ABCA13: variants seen among roughly 807,000 people sequenced by gnomAD.
ABCA13 encodes the protein ATP-binding cassette sub-family A member 13.
A neutral mutation model predicts 478.7 loss-of-function variants in ABCA13; 476 were observed. That is an observed-to-expected ratio of 0.99 (90% confidence interval 0.92 to 1.07). The LOEUF (loss-of-function observed/expected upper bound fraction) is 1.07, where lower values mean the gene tolerates loss of function less well. Ranked by LOEUF, ABCA13 falls within the 50% of genes least tolerant of loss-of-function variation. The probability of loss-of-function intolerance (pLI) is 0.00; values close to 1 mark genes in which losing one functional copy is unlikely to be tolerated. For synonymous variants in ABCA13, 2,252 were observed against 2,158.9 expected (o/e 1.04, Z -1.20); for missense variants, 6,060 against 5,910.6 (o/e 1.03, Z -0.83).
At chr7:48,618,059 T>C (rs761218334) in intron 59 of ABCA13, among the ~76,000 whole-genome samples, 2 of 152,168 alleles carry the variant, frequency 1.3e-5, no homozygotes, top group African/African-American at 2.4e-5. Flanking sequence ...GAAACAGCTC[T>C]TCCATGGGAC....
chr7:48,465,312 A>C (rs147375802), intron 43 of ABCA13, among the ~76,000 whole-genome samples: 1 of 152,296 alleles, frequency 6.6e-6, no homozygotes, highest in East Asian at 1.9e-4. Flanking sequence ...CAGTAGCCTA[A>C]TGAGAAGTTT....
chr7:48,382,906 G>C (rs143757094), intron 35 of ABCA13, among the ~76,000 whole-genome samples: 168 of 152,252 alleles, frequency 1.1e-3, no homozygotes, highest in African/African-American at 3.6e-3. Flanking sequence ...CCTGGAACAG[G>C]AAGGTATAAT....
At chr7:48,349,008 G>A (rs759426617) in intron 29 of ABCA13, among the ~76,000 whole-genome samples, 22 of 152,332 alleles carry the variant, frequency 1.4e-4, no homozygotes, top group Non-Finnish European at 2.6e-4. Context: ...TCATGGTTTT[G>A]AAACTTACTG....
At position 48,362,634 on chromosome 7, in the gene ABCA13, T is replaced by G. The variant is rs530016496; in HGVS notation, c.10689-5160T>G. 1.3e-4 allele frequency among the ~76,000 whole-genome samples: 20 copies of G among 151,838 alleles called. No individual in the cohort carries two copies. In the South Asian group the frequency reaches 4.1e-3, roughly 31 times the overall value. ...CTTGTGTTTCTTATGCTTATAATTT[T>G]TCTTTTAAGCTAATATTTAATAATG... On this transcript the variant is annotated intron_variant, in intron 31 of 61. Coordinates refer to ENST00000435803, the MANE Select transcript of ABCA13 (RefSeq NM_152701.5).
chr7:48,523,470 A>C (rs973229296), intron 53 of ABCA13, among the ~76,000 whole-genome samples: 1 of 152,068 alleles, frequency 6.6e-6, no homozygotes, highest in Non-Finnish European at 1.5e-5. Flanking sequence ...CAATGATAAT[A>C]TAATAATATA....
At chr7:48,617,320 A>G (rs1308663481) in intron 59 of ABCA13, among the ~76,000 whole-genome samples, 1 of 152,150 alleles carries the variant, frequency 6.6e-6, no homozygotes, top group African/African-American at 2.4e-5. Context: ...TTCCATGAAC[A>G]TGAATTGTTA....
In ABCA13 at chr7:48,274,847, T is replaced by C. The variant is rs761728722; in HGVS notation, c.5181T>C (p.His1727=). ...GCTCACATTCTTGGAATGTTAATCA[T>C]CTGCTGCAGCTCTCACGCCTGTTTC... ...ADSSHSWNVN[H]LLQLSRLFPK... is the part of the protein sequence containing the mutation. The change falls in exon 17 of 62, where the codon CAT becomes CAC. Residue 1727 remains histidine, a synonymous_variant. Transcript: ENST00000435803. 5 of 1,613,964 alleles carry C rather than the reference T, an allele frequency of 3.1e-6. No homozygotes were observed. The highest frequency in any genetic ancestry group is 1.1e-5 in the South Asian group (1 of 91,086).
chr7:48,331,659 T>C (rs1805422942), intron 27 of ABCA13, among the ~76,000 whole-genome samples: 1 of 152,186 alleles, frequency 6.6e-6, no homozygotes, highest in African/African-American at 2.4e-5. Flanking sequence ...TTCCTAATGG[T>C]AACATCTCAT....
At chr7:48,577,606 A>G (rs1192323746) in intron 55 of ABCA13, among the ~76,000 whole-genome samples, 1 of 152,166 alleles carries the variant, frequency 6.6e-6, no homozygotes, top group African/African-American at 2.4e-5. Context: ...CCATAAAAGC[A>G]AAAGCACTAG....
At chr7:48,355,736 G>A (rs1172095789) in intron 31 of ABCA13, among the ~76,000 whole-genome samples, 1 of 151,964 alleles carries the variant, frequency 6.6e-6, no homozygotes, top group Non-Finnish European at 1.5e-5. Flanking sequence ...GATTTGATGA[G>A]GGCGTGATAG....
Position 48,273,288 on chromosome 7 carries a change from C to T in ABCA13, c.3622C>T (p.Leu1208Phe). ...ACTTCCCACCCATAATGTTGCTAGA[C>T]TCATATTAAATTTGTTTAAAAATGT... ...GILPTHNVAR[L>F]ILNLFKNVTQ... Residue 1208 changes from leucine (L) to phenylalanine (F), a missense_variant, in exon 17 of 62, where the codon CTC becomes TTC. By Grantham distance (22) the Leu-to-Phe change is conservative. Transcript: ENST00000435803. 1 of 1,613,632 alleles carries T rather than the reference C, an allele frequency of 6.2e-7. No individual in the cohort carries two copies. The highest frequency in any genetic ancestry group is 8.5e-7 in the Non-Finnish European group (1 of 1,179,758).
intron 11 of ABCA13, 47 bp downstream of exon 11, chr7:48,244,750 T>C (rs1263879964): frequency 1.3e-6 from 2 of 1,532,562 alleles, no homozygotes; most frequent in East Asian, 2.3e-5. Context: ...TAAGAGTAAA[T>C]GTGAAATTTA....
intron 36 of ABCA13, among the ~76,000 whole-genome samples, chr7:48,388,162 C>T (rs1815478752): frequency 6.6e-6 from 1 of 152,028 alleles, no homozygotes; most frequent in Non-Finnish European, 1.5e-5. Flanking sequence ...TCTGTGAAAC[C>T]CAGGAAACCC....
At chr7:48,451,259 A>G (rs1013103106) in intron 42 of ABCA13, among the ~76,000 whole-genome samples, 1 of 152,162 alleles carries the variant, frequency 6.6e-6, no homozygotes, top group Admixed American at 6.5e-5. Context: ...TTGGCCTCCC[A>G]AAGTGCTGGG....
chr7:48,643,086 T>C (rs1186417207), intron 59 of ABCA13, among the ~76,000 whole-genome samples: 1 of 152,182 alleles, frequency 6.6e-6, no homozygotes, highest in Non-Finnish European at 1.5e-5. Flanking sequence ...GGTAATTCAG[T>C]GTCTGTGTCA....
At chr7:48,346,657 C>T (rs1381252925) in intron 29 of ABCA13, among the ~76,000 whole-genome samples, 4 of 152,180 alleles carry the variant, frequency 2.6e-5, no homozygotes. Flanking sequence ...TAATAGTTAG[C>T]ACTTACTGTA....
intron 51 of ABCA13, among the ~76,000 whole-genome samples, chr7:48,514,689 G>T (rs1397079855): frequency 6.6e-6 from 1 of 152,170 alleles, no homozygotes; most frequent in Non-Finnish European, 1.5e-5. Context: ...GTAAAGGAAA[G>T]AGGGTAGGTG....
intron 35 of ABCA13, among the ~76,000 whole-genome samples, chr7:48,380,626 C>G (rs565438776): frequency 6.6e-6 from 1 of 152,266 alleles, no homozygotes; most frequent in South Asian, 2.1e-4. Context: ...CTTTGTTGCA[C>G]TTTGTAGGGT....
intron 19 of ABCA13, among the ~76,000 whole-genome samples, chr7:48,285,759 G>A (rs12666513): frequency 6.6e-6 from 1 of 152,000 alleles, no homozygotes; most frequent in African/African-American, 2.4e-5. Context: ...GTGTCTTCCC[G>A]AGACCAGAGG....
Sources: allele counts gnomAD v4.1 joint callset (sites outside exome capture counted in the v4.1 genomes callset), GRCh38; gene constraint gnomAD v4.1.1; transcripts MANE v1.5; gene names NCBI Gene and HGNC (gene_info 2026-07-23, HGNC 2026-07-21).